The following NKAIN2 variants were observed in gnomAD, a reference collection of about 807,000 sequenced individuals.
NKAIN2 encodes sodium/potassium-transporting ATPase subunit beta-1-interacting protein 2.
NKAIN2 carries 14 observed loss-of-function variants against 32.6 expected under a neutral mutation model. The observed-to-expected ratio is 0.43, with a 90% CI of 0.28 to 0.67. The LOEUF is 0.67. NKAIN2 is among the 30% of genes least tolerant of loss of function. The probability of loss-of-function intolerance (pLI) is 0.17; values close to 1 mark genes in which losing one functional copy is unlikely to be tolerated. For synonymous variants in NKAIN2, 80 were observed against 87.2 expected (o/e 0.92, Z 0.46); for missense variants, 198 against 258.3 (o/e 0.77, Z 1.60).
chr6:124,395,171 T>C (rs1452310166), intron 3 of NKAIN2, among the ~76,000 whole-genome samples: 2 of 152,124 alleles, frequency 1.3e-5, no homozygotes, highest in Non-Finnish European at 2.9e-5. Context: ...TTTTAATACT[T>C]CAAATTTGAA....
intron 3 of NKAIN2, among the ~76,000 whole-genome samples, chr6:124,409,391 T>C (rs1466225259): frequency 6.6e-6 from 1 of 151,974 alleles, no homozygotes; most frequent in Non-Finnish European, 1.5e-5. Flanking sequence ...TTATTGAGAG[T>C]TTTTAGCATG....
intron 1 of NKAIN2, among the ~76,000 whole-genome samples, chr6:124,152,198 T>C (rs1787760204): frequency 3.3e-5 from 5 of 151,944 alleles, no homozygotes; most frequent in Admixed American, 3.3e-4. Flanking sequence ...AAATATTATA[T>C]TGAAAAAACC....
intron 3 of NKAIN2, among the ~76,000 whole-genome samples, chr6:124,541,641 C>G (rs1779916565): frequency 2.6e-5 from 4 of 152,122 alleles, no homozygotes; most frequent in Admixed American, 2.6e-4. Context: ...GAAGCATCCT[C>G]AATTAGGGAA....
chr6:123,956,170 G>C (rs1311763212), intron 1 of NKAIN2, among the ~76,000 whole-genome samples: 2 of 152,104 alleles, frequency 1.3e-5, no homozygotes, highest in Admixed American at 1.3e-4. Context: ...CTTGACTTGG[G>C]AGAATAGAAG....
chr6:124,236,477 G>A (rs1166737203), intron 1 of NKAIN2, among the ~76,000 whole-genome samples: 3 of 152,152 alleles, frequency 2.0e-5, no homozygotes, highest in East Asian at 3.9e-4. Context: ...TGATGATATT[G>A]AGTATGGATA....
At chr6:124,015,353 A>G (rs1034194101) in intron 1 of NKAIN2, among the ~76,000 whole-genome samples, 6 of 152,164 alleles carry the variant, frequency 3.9e-5, no homozygotes, top group African/African-American at 1.4e-4. Context: ...GCTCTTAAAA[A>G]GAGATGCAGT....
chr6:124,690,701 T>G (rs1774214115), intron 4 of NKAIN2, among the ~76,000 whole-genome samples: 1 of 152,162 alleles, frequency 6.6e-6, no homozygotes, highest in African/African-American at 2.4e-5. Context: ...ATTCTTTCTC[T>G]ACACTGTATC....
chr6:124,232,384 A>G (rs1332616968), intron 1 of NKAIN2, among the ~76,000 whole-genome samples: 1 of 152,204 alleles, frequency 6.6e-6, no homozygotes, highest in East Asian at 1.9e-4. Context: ...CAGAGAGAGA[A>G]GAACCTGGAC....
At chr6:124,015,171 T>A (rs1780506457) in intron 1 of NKAIN2, among the ~76,000 whole-genome samples, 1 of 152,094 alleles carries the variant, frequency 6.6e-6, no homozygotes, top group African/African-American at 2.4e-5. Flanking sequence ...ATAGAATGCA[T>A]ATTATATTTA....
At chr6:124,680,081 T>A (rs1042029746) in intron 4 of NKAIN2, among the ~76,000 whole-genome samples, 2 of 152,206 alleles carry the variant, frequency 1.3e-5, no homozygotes, top group Non-Finnish European at 2.9e-5. Context: ...TATTAGGCAA[T>A]AATAACAAAT....
At chr6:124,821,473 C>T (rs1297505266) in intron 6 of NKAIN2, among the ~76,000 whole-genome samples, 1 of 151,894 alleles carries the variant, frequency 6.6e-6, no homozygotes, top group African/African-American at 2.4e-5. Context: ...TAATTATATA[C>T]AATTTAATAT....
At chr6:124,245,151 A>G (rs1367011802) in intron 1 of NKAIN2, among the ~76,000 whole-genome samples, 1 of 152,036 alleles carries the variant, frequency 6.6e-6, no homozygotes, top group Non-Finnish European at 1.5e-5. Context: ...ACATTTTCCT[A>G]TGTTCTTTTT....
chr6:123,984,480 A>G (rs148084516), intron 1 of NKAIN2, among the ~76,000 whole-genome samples: 387 of 152,298 alleles, frequency 2.5e-3, no homozygotes, highest in Non-Finnish European at 4.2e-3. Flanking sequence ...AAAACAGTAT[A>G]TTACTGTTTT....
chr6:124,233,705 C>G (rs1792584570), intron 1 of NKAIN2, among the ~76,000 whole-genome samples: 1 of 152,120 alleles, frequency 6.6e-6, no homozygotes, highest in South Asian at 2.1e-4. Context: ...TAATATGTGA[C>G]TCATTTTTAT....
chr6:124,727,582 C>G (rs929683842), intron 4 of NKAIN2, among the ~76,000 whole-genome samples: 30 of 151,694 alleles, frequency 2.0e-4, no homozygotes, highest in East Asian at 3.9e-4. Flanking sequence ...AGGAACAACC[C>G]GTACCAGCCA....
At chr6:124,501,513 T>C (rs1168628708) in intron 3 of NKAIN2, among the ~76,000 whole-genome samples, 2 of 152,172 alleles carry the variant, frequency 1.3e-5, no homozygotes, top group African/African-American at 4.8e-5. Context: ...GCGTGGAAGG[T>C]AGTTCGGTCC....
At chr6:124,426,861 A>G (rs549325238) in intron 3 of NKAIN2, among the ~76,000 whole-genome samples, 33 of 152,130 alleles carry the variant, frequency 2.2e-4, no homozygotes, top group African/African-American at 7.7e-4. Context: ...TATAAAGGGG[A>G]GTTTCCCTGA....
intron 1 of NKAIN2, among the ~76,000 whole-genome samples, chr6:124,089,612 A>T (rs1458038343): frequency 1.3e-5 from 2 of 151,968 alleles, no homozygotes. Flanking sequence ...AAATCAAAGC[A>T]CAAGACTATT....
At chr6:123,950,379 GTTC>G (rs540624540) in intron 1 of NKAIN2, among the ~76,000 whole-genome samples, 38 of 151,938 alleles carry the variant, frequency 2.5e-4, no homozygotes, top group South Asian at 2.1e-4. Flanking sequence ...ATTGGTGCTA[GTTC>G]TTCTTTGAAA....
Sources: gnomAD v4.1 joint callset for allele counts (sites outside exome capture counted in the v4.1 genomes callset) on GRCh38, gnomAD v4.1.1 for gene constraint, MANE v1.5 for transcripts, NCBI Gene and HGNC (gene_info 2026-07-23, HGNC 2026-07-21) for gene names.